The following DDX39B variants were observed in gnomAD, a reference collection of about 807,000 sequenced individuals.
DDX39B encodes the protein DExD-box helicase 39B, also known as spliceosome RNA helicase DDX39B.
Under a neutral mutation model 46.4 loss-of-function variants are expected in DDX39B, and 6 were observed. The observed-to-expected ratio is 0.13, with a 90% CI of 0.07 to 0.26. DDX39B has a LOEUF of 0.26. DDX39B is among the 10% of genes least tolerant of loss of function. The pLI is 1.00. For missense variants in DDX39B, 185 were observed against 553.4 expected (o/e 0.33, Z 6.68); for synonymous variants, 174 against 199.4 (o/e 0.87, Z 1.07).
In DDX39B at chr6:31,540,449, C is replaced by T. The variant is rs1232860153; in HGVS notation, c.84G>A (p.Glu28=). ...CCTTGACATCCTTCTTGGCAGGGGCCTCAGCCCCATCTCCCCCAGCTGCTG... is the reference window on the plus strand; with the variant it reads ...CCTTGACATCCTTCTTGGCAGGGGCTTCAGCCCCATCTCCCCCAGCTGCTG... ...VETAAGGDGA[E]APAKKDVKGS... The change falls in exon 2 of 11, where the codon GAG becomes GAA. Residue 28 remains glutamate (E), a synonymous_variant. Coordinates refer to ENST00000396172, the MANE Select transcript of DDX39B (RefSeq NM_004640.7). 1.2e-6 allele frequency: 2 copies of T among 1,614,092 alleles called. No homozygotes were observed. The highest frequency in any genetic ancestry group is 1.7e-5 in the Admixed American group (1 of 60,006).
intron 6 of DDX39B, chr6:31,533,585 GA>G (rs1767435759): frequency 1.3e-5 from 2 of 152,910 alleles, no homozygotes; most frequent in South Asian, 4.1e-4. Context: ...AGGTTTACAG[GA>G]AAGGTATCAG....
chr6:31,537,120 A>G (rs1470265230), intron 4 of DDX39B, among the ~76,000 whole-genome samples: 1 of 152,112 alleles, frequency 6.6e-6, no homozygotes, highest in Non-Finnish European at 1.5e-5. Context: ...TCAAAAAGAA[A>G]TAAAATAAAT....
At chr6:31,533,354 G>T in intron 6 of DDX39B, 1 of 171,962 alleles carries the variant, frequency 5.8e-6, no homozygotes. Context: ...ACATGGGGTG[G>T]GGGGAGGACA....
At position 31,535,138 on chromosome 6, in the gene DDX39B, C is replaced by A; in HGVS notation, c.735+229G>T. 1 of 590,618 alleles carries A rather than the reference C, an allele frequency of 1.7e-6. No individual in the cohort carries two copies. The allele number at this position is 590,618 out of a possible 1,614,324, so 36.6% of individuals were successfully genotyped here. A position where few individuals can be genotyped will look rare whatever the true frequency, so the allele number is the denominator to read the frequency against. On this transcript the variant is annotated intron_variant, in intron 6 of 10. Coordinates refer to ENST00000396172, the MANE Select transcript of DDX39B (RefSeq NM_004640.7). The surrounding 1 kb of genome is among the most constrained non-coding windows in gnomAD (Gnocchi z 4.6). ...ATTTATGAAAAAGTCGAACACTACC[C>A]GCTCTCACATTAACCCGACCAAGTC... is the stretch of plus-strand genomic sequence containing the variant.
chr6:31,533,223 G>A (rs1416150689), intron 6 of DDX39B: 2 of 287,654 alleles, frequency 7.0e-6, no homozygotes, highest in Non-Finnish European at 1.4e-5. Flanking sequence ...CTCAAATAGA[G>A]GTGGGAGAGG....
chr6:31,538,193 C>A (rs1422596873), intron 4 of DDX39B, among the ~76,000 whole-genome samples: 3 of 151,968 alleles, frequency 2.0e-5, no homozygotes, highest in Non-Finnish European at 4.4e-5. Context: ...TCTCACTCTG[C>A]CACCCAGGCT....
Position 31,535,013 on chromosome 6 carries a change from C to G in DDX39B, c.735+354G>C. The G allele has an allele frequency of 3.0e-6, 1 of 337,904 alleles. No homozygotes were observed. The highest frequency in any genetic ancestry group is 5.7e-6 in the Non-Finnish European group (1 of 176,032). The allele number at this position is 337,904 out of a possible 1,614,324, so 20.9% of individuals were successfully genotyped here. A position where few individuals can be genotyped will look rare whatever the true frequency, so the allele number is the denominator to read the frequency against. ...TACGCTCGATGCCACCTTGAGGGTGCGTGGCTGTAGGGTGCATGTAAGAGA... is the reference window on the plus strand; with the variant it reads ...TACGCTCGATGCCACCTTGAGGGTGGGTGGCTGTAGGGTGCATGTAAGAGA... On this transcript the variant is annotated intron_variant, in intron 6 of 10. Transcript: ENST00000396172. This position sits in a 1 kb window ranked among gnomAD's most constrained non-coding sequence, Gnocchi z 4.6.
Position 31,530,575 on chromosome 6 carries a change from G to C in DDX39B, c.1271-125C>G, listed in dbSNP as rs1451108911. The C allele has an allele frequency of 3.6e-6, 5 of 1,393,490 alleles. No individual in the cohort carries two copies. In the South Asian group the frequency reaches 5.0e-5, roughly 14 times the overall value. The allele number at this position is 1,393,490 out of a possible 1,614,324, so 86.3% of individuals were successfully genotyped here. Reference sequence around the variant, plus strand: ...TCAGAGGACGGACGTGGGGGTGAGGGAAGGGATGTAATATGATGAGAGAAG... The same window carrying C: ...TCAGAGGACGGACGTGGGGGTGAGGCAAGGGATGTAATATGATGAGAGAAG... On this transcript the variant is annotated intron_variant, in intron 10 of 10. Transcript: ENST00000396172. This position sits in a 1 kb window ranked among gnomAD's most constrained non-coding sequence, Gnocchi z 4.5.
intron 1 of DDX39B, chr6:31,541,598 A>G (rs1011461756): frequency 2.1e-6 from 1 of 472,800 alleles, no homozygotes; most frequent in Non-Finnish European, 4.4e-6. Flanking sequence ...AAGAAAGGAC[A>G]AGGAAGGTGA....
rs947124569 is a variant in DDX39B at position 31,535,093 on chromosome 6, A to G, written c.735+274T>C. On this transcript the variant is annotated intron_variant, in intron 6 of 10. Coordinates refer to ENST00000396172, the MANE Select transcript of DDX39B (RefSeq NM_004640.7). This position sits in a 1 kb window ranked among gnomAD's most constrained non-coding sequence, Gnocchi z 4.6. ...AATCCTGCCCTCCCCCAAAGGGAGAAGAGGTTCAAAAATGTTGTGATTTAT... is the reference window on the plus strand; with the variant it reads ...AATCCTGCCCTCCCCCAAAGGGAGAGGAGGTTCAAAAATGTTGTGATTTAT... 1.5e-4 allele frequency: 78 copies of G among 512,856 alleles called. No homozygotes were observed. Among genetic ancestry groups the G allele is most frequent in the East Asian group, 8.5e-4 (25 of 29,246 alleles). 31.8% of individuals were successfully genotyped at this position (512,856 alleles called of 1,614,324 possible). A position where few individuals can be genotyped will look rare whatever the true frequency, so the allele number is the denominator to read the frequency against.
At chr6:31,536,188 T>C (rs2150336769) in intron 5 of DDX39B, among the ~76,000 whole-genome samples, 1 of 152,322 alleles carries the variant, frequency 6.6e-6, no homozygotes. Context: ...TCTTTCAGTT[T>C]AGAATCTCCG....
chr6:31,535,301 G>A lies in DDX39B; in HGVS notation c.735+66C>T, dbSNP rs1175587098. Reference sequence around the variant, plus strand: ...TTGAATGACAAGGGAGTCTGAGGAAGAGGGCGAGGAAGGGGAGGAGGCAGC... The same window carrying A: ...TTGAATGACAAGGGAGTCTGAGGAAAAGGGCGAGGAAGGGGAGGAGGCAGC... On this transcript the variant is annotated intron_variant, in intron 6 of 10. Transcript: ENST00000396172. The surrounding 1 kb of genome is among the most constrained non-coding windows in gnomAD (Gnocchi z 4.6). 2.7e-6 allele frequency: 4 copies of A among 1,474,368 alleles called. No homozygotes were observed. The East Asian group carries it at 9.1e-5, about 33-fold the overall frequency. 91.3% of individuals were successfully genotyped at this position (1,474,368 alleles called of 1,614,324 possible).
rs529618114 is a variant in DDX39B, at chr6:31,532,976, G to A, written c.736-65C>T. The A allele has an allele frequency of 3.0e-4, 78 of 260,304 alleles. 2 individuals carry two copies. Among genetic ancestry groups the A allele is most frequent in the Non-Finnish European group, 4.8e-4 (63 of 132,138 alleles). 16.1% of individuals were successfully genotyped at this position (260,304 alleles called of 1,614,324 possible). A position where few individuals can be genotyped will look rare whatever the true frequency, so the allele number is the denominator to read the frequency against. On this transcript the variant is annotated intron_variant, in intron 6 of 10. Transcript: ENST00000396172. ...GAGTGGGGGGGTTAAACCTGGGGGGGTGGAGGAAGTTGATCTCCAATACAC... is the reference window on the plus strand; with the variant it reads ...GAGTGGGGGGGTTAAACCTGGGGGGATGGAGGAAGTTGATCTCCAATACAC...
intron 1 of DDX39B, chr6:31,541,581 AG>A (rs1201275922): frequency 1.1e-5 from 5 of 462,992 alleles, no homozygotes; most frequent in Non-Finnish European, 8.9e-6. Flanking sequence ...GGGCCGAGAA[AG>A]AGCTCAAGAA....
chr6:31,537,703 A>G (rs2734583), intron 4 of DDX39B, among the ~76,000 whole-genome samples: 15,123 of 152,138 alleles, frequency 0.099, 864 homozygotes, highest in Non-Finnish European at 0.12. Context: ...ACAACTGTGG[A>G]ATCAGACTGT....
At position 31,530,930 on chromosome 6, in the gene DDX39B, G is replaced by C. The variant is rs776969844; in HGVS notation, c.1123-4C>G. On this transcript the variant is annotated splice_region_variant and splice_polypyrimidine_tract_variant and intron_variant, in intron 9 of 10. Coordinates refer to ENST00000396172, the MANE Select transcript of DDX39B (RefSeq NM_004640.7). This position sits in a 1 kb window ranked among gnomAD's most constrained non-coding sequence, Gnocchi z 4.5. ...CAAACCGGCCTGCTCTGGCCACCTG[G>C]AGGGAGACAGAGGGTAGCACTGGAA... 1.5e-5 allele frequency: 24 copies of C among 1,614,032 alleles called. No homozygotes were observed. The highest frequency in any genetic ancestry group is 1.2e-5 in the Non-Finnish European group (14 of 1,180,038).
At chr6:31,532,943 G>A (rs1485009875) in intron 6 of DDX39B, 32 bp from the exon 7 acceptor site, 2 of 611,816 alleles carry the variant, frequency 3.3e-6, no homozygotes, top group Non-Finnish European at 2.6e-6. Flanking sequence ...GGGAACGGGA[G>A]GAGGGCAGAG....
intron 7 of DDX39B, 176 bp downstream of exon 7, chr6:31,532,604 A>G: frequency 4.1e-6 from 3 of 734,552 alleles, no homozygotes; most frequent in Non-Finnish European, 2.2e-6. Context: ...TGCCAGCCAT[A>G]GAATAGAAAA....
At chr6:31,541,875 A>G in intron 1 of DDX39B, 75 bp downstream of exon 1, 1 of 635,108 alleles carries the variant, frequency 1.6e-6, no homozygotes, top group Non-Finnish European at 2.9e-6. Flanking sequence ...TGAAAAGGGT[A>G]TCAGGAACCC....
Sources: allele counts gnomAD v4.1 joint callset (sites outside exome capture counted in the v4.1 genomes callset), GRCh38; gene constraint gnomAD v4.1.1; non-coding constraint Gnocchi (gnomAD v3.1); transcripts MANE v1.5; gene names NCBI Gene and HGNC (gene_info 2026-07-23, HGNC 2026-07-21).